DNAJB11: variants seen among roughly 807,000 people sequenced by gnomAD.
The protein encoded by DNAJB11 is DnaJ heat shock protein family (Hsp40) member B11, also known as dnaJ homolog subfamily B member 11.
Under a neutral mutation model 47.2 loss-of-function variants are expected in DNAJB11, and 30 were observed. The ratio of observed to expected loss-of-function variants is 0.64; its 90% CI spans 0.48 to 0.86. The LOEUF (loss-of-function observed/expected upper bound fraction) is 0.86, where lower values mean the gene tolerates loss of function less well. Ranked by LOEUF, DNAJB11 falls within the 40% of genes least tolerant of loss-of-function variation. DNAJB11 has a pLI of 0.00. For synonymous variants in DNAJB11, 151 were observed against 159.9 expected, an observed-to-expected ratio of 0.94 and a Z score of 0.42; for missense variants, 357 against 440.2, an observed-to-expected ratio of 0.81 and a Z score of 1.69.
In DNAJB11 at chr3:186,584,489, A is replaced by G; in HGVS notation, c.912A>G (p.Glu304=). ...GAGCGAAGCTATGGAAGAAAGGGGA[A>G]GGGCTCCCCAACTTTGACAACAACA... ...RPGAKLWKKG[E]GLPNFDNNNI... The change falls in exon 9 of 10, where the codon GAA becomes GAG. Residue 304 remains glutamate (E), a synonymous_variant. Coordinates refer to ENST00000265028, the MANE Select transcript of DNAJB11 (RefSeq NM_016306.6). The G allele has an allele frequency of 3.1e-6, 5 of 1,600,302 alleles. No homozygotes were observed. The highest frequency in any genetic ancestry group is 4.3e-6 in the Non-Finnish European group (5 of 1,175,722).
At chr3:186,577,838 A>G (rs1715353067) in intron 4 of DNAJB11, 38 bp downstream of exon 4, 3 of 1,528,208 alleles carry the variant, frequency 2.0e-6, no homozygotes, top group Non-Finnish European at 2.6e-6. Flanking sequence ...ATTGACTCCC[A>G]GAACTTGCAC....
At chr3:186,582,488 A>T (rs1715518787) in intron 6 of DNAJB11, among the ~76,000 whole-genome samples, 1 of 152,240 alleles carries the variant, frequency 6.6e-6, no homozygotes, top group Non-Finnish European at 1.5e-5. Flanking sequence ...AGACCAGTGT[A>T]TCATTCTTTG....
In DNAJB11 at chr3:186,578,677, C is replaced by T. The variant is rs764360135; in HGVS notation, c.456+877C>T. On this transcript the variant is annotated intron_variant, in intron 4 of 9. Coordinates refer to ENST00000265028, the MANE Select transcript of DNAJB11 (RefSeq NM_016306.6). ...TTTATTGGCCATATTTGTTTCCTCT[C>T]TTGTGAAATGCCTGTTCTTTCTTTT... 5 of 152,292 alleles carry T rather than the reference C, an allele frequency of 3.3e-5. 1 individual carries two copies. The highest frequency in any genetic ancestry group is 7.4e-5 in the Non-Finnish European group (5 of 68,018). The allele number at this position is 152,292 out of a possible 1,614,324, so 9.4% of individuals were successfully genotyped here.
Position 186,572,194 on chromosome 3 carries a change from GA to G in DNAJB11, c.170del (p.Asn57ThrfsTer38). The G allele has an allele frequency of 6.2e-7, 1 of 1,613,946 alleles. No homozygotes were observed. Among genetic ancestry groups the G allele is most frequent in the South Asian group, 1.1e-5 (1 of 91,054 alleles). Reference sequence around the variant, plus strand: ...TAGCCCTGCAGCTTCATCCCGACCGGAACCCTGATGATCCACAAGCCCAGGA... The same window carrying G: ...TAGCCCTGCAGCTTCATCCCGACCGGACCCTGATGATCCACAAGCCCAGGA... Reference protein sequence around the residue: ...KLALQLHPDRNPDDPQAQEKF... With the variant: ...KLALQLHPDRXPDDPQAQEKF... On this transcript the variant is annotated frameshift_variant, in exon 2 of 10. Transcript: ENST00000265028. LOFTEE classifies it high-confidence loss of function.
chr3:186,581,653 T>C, intron 5 of DNAJB11, 140 bp downstream of exon 5: 3 of 1,004,750 alleles, frequency 3.0e-6, no homozygotes, highest in Non-Finnish European at 4.2e-6. Flanking sequence ...AGCAAAACAA[T>C]GTACATTTTT....
At chr3:186,580,495 G>A (rs943001774) in intron 4 of DNAJB11, 1 of 152,076 alleles carries the variant, frequency 6.6e-6, no homozygotes, top group African/African-American at 2.4e-5. Context: ...TGTAAAATGG[G>A]GATAATAACA....
rs761576121 is a variant in DNAJB11, at chr3:186,584,574, G to A, written c.997G>A (p.Glu333Lys). Residue 333 changes from glutamate (E) to lysine (K), a missense_variant, in exon 9 of 10, where the codon GAG becomes AAG. Physicochemically the swap from Glu to Lys is moderately conservative, Grantham distance 56 (BLOSUM62 1). Coordinates refer to ENST00000265028, the MANE Select transcript of DNAJB11 (RefSeq NM_016306.6). ...DVDFPKEQLT[E>K]EAREGIKQLL... ...GGATTTTCCAAAAGAACAGTTAACAGAGGAAGCGAGAGAAGGTATGGCATA... is the reference window on the plus strand; with the variant it reads ...GGATTTTCCAAAAGAACAGTTAACAAAGGAAGCGAGAGAAGGTATGGCATA... The A allele has an allele frequency of 2.5e-6, 4 of 1,579,460 alleles. No individual in the cohort carries two copies. In the African/African-American group the frequency reaches 5.9e-5, roughly 23 times the overall value.
chr3:186,582,906 C>A, intron 7 of DNAJB11, 133 bp downstream of exon 7: 2 of 688,468 alleles, frequency 2.9e-6, no homozygotes, highest in Non-Finnish European at 5.1e-6. Context: ...AACTCCTCTA[C>A]AAGGCTGAAA....
chr3:186,584,734 C>T, intron 9 of DNAJB11, 145 bp downstream of exon 9: 1 of 881,130 alleles, frequency 1.1e-6, no homozygotes, highest in Non-Finnish European at 1.6e-6. Context: ...AAGGAATGAA[C>T]TCATCTTTCT....
Position 186,572,144 on chromosome 3 carries a change from G to C in DNAJB11, c.118G>C (p.Asp40His), listed in dbSNP as rs766317863. The change falls in exon 2 of 10, where the codon GAT (aspartate) becomes CAT (histidine). Residue 40 changes from aspartate to histidine, a missense_variant. Physicochemically the swap from Asp to His is moderately conservative, Grantham distance 81 (BLOSUM62 -1). Coordinates refer to ENST00000265028, the MANE Select transcript of DNAJB11 (RefSeq NM_016306.6). ...GGTGCCTCGAAGTGCCTCTATAAAGGATATTAAAAAGGCCTATAGGAAACT... is the reference window on the plus strand; with the variant it reads ...GGTGCCTCGAAGTGCCTCTATAAAGCATATTAAAAAGGCCTATAGGAAACT... ...LGVPRSASIK[D>H]IKKAYRKLAL... The C allele has an allele frequency of 6.2e-7, 1 of 1,612,198 alleles. No homozygotes were observed. The highest frequency in any genetic ancestry group is 2.2e-5 in the East Asian group (1 of 44,834).
In DNAJB11 at chr3:186,570,905, C is replaced by T. The variant is rs753543507; in HGVS notation, c.8C>T (p.Pro3Leu). 1 of 1,605,000 alleles carries T rather than the reference C, an allele frequency of 6.2e-7. No individual in the cohort carries two copies. The highest frequency in any genetic ancestry group is 1.3e-5 in the African/African-American group (1 of 74,578). The change falls in exon 1 of 10, where the codon CCG (proline) becomes CTG (leucine). Residue 3 changes from proline (P) to leucine (L), a missense_variant. Pro to Leu is a moderately conservative substitution (Grantham distance 98, BLOSUM62 -3). Coordinates refer to ENST00000265028, the MANE Select transcript of DNAJB11 (RefSeq NM_016306.6). ...ACCCGGGACAGAGGAACCATGGCTC[C>T]GCAGAACCTGAGCACCTTTTGCCTG... MAPQNLSTFCLLL... is the reference protein window; with the variant it reads MALQNLSTFCLLL...
At chr3:186,584,049 G>A in intron 8 of DNAJB11, 73 bp downstream of exon 8, 1 of 1,100,358 alleles carries the variant, frequency 9.1e-7, no homozygotes, top group Non-Finnish European at 1.4e-6. Context: ...TGTATCAGCT[G>A]TTTCAGTCAT....
At chr3:186,584,004 A>C in intron 8 of DNAJB11, 28 bp downstream of exon 8, 1 of 1,515,420 alleles carries the variant, frequency 6.6e-7, no homozygotes, top group Non-Finnish European at 9.2e-7. Flanking sequence ...CTCGTTCTGC[A>C]TCCTTTTGAA....
intron 4 of DNAJB11, chr3:186,579,203 T>G (rs935030546): frequency 5.9e-5 from 9 of 152,172 alleles, no homozygotes; most frequent in African/African-American, 1.7e-4. Context: ...CTGGAAAATA[T>G]GTCTCATTAT....
chr3:186,577,868 G>A, intron 4 of DNAJB11, 68 bp downstream of exon 4: 2 of 1,350,542 alleles, frequency 1.5e-6, no homozygotes, highest in Non-Finnish European at 2.0e-6. Context: ...AAAATAAGAG[G>A]TTTATATGTA....
chr3:186,584,728 A>C (rs1171919183), intron 9 of DNAJB11, 139 bp downstream of exon 9: 1 of 916,640 alleles, frequency 1.1e-6, no homozygotes, highest in African/African-American at 1.8e-5. Context: ...AACACTAAGG[A>C]ATGAACTCAT....
intron 3 of DNAJB11, 127 bp downstream of exon 3, chr3:186,576,064 C>T (rs1715283249): frequency 1.6e-6 from 1 of 624,884 alleles, no homozygotes; most frequent in African/African-American, 1.8e-5. Context: ...ATCCAAAGAT[C>T]AATTATTGTC....
At position 186,573,407 on chromosome 3, in the gene DNAJB11, CAG is replaced by C. The variant is rs575088264; in HGVS notation, c.225+1159_225+1160del. On this transcript the variant is annotated intron_variant, in intron 2 of 9. Coordinates refer to ENST00000265028, the MANE Select transcript of DNAJB11 (RefSeq NM_016306.6). ...AATTCTTTTTTATTTTTTTTTGAGA[CAG>C]AGTCTCGCTCTGTCTGCCAAGCTGG... is the stretch of plus-strand genomic sequence containing the variant. Among the ~76,000 whole-genome samples, 897 of 151,948 alleles carry C rather than the reference CAG, an allele frequency of 5.9e-3. 7 individuals are homozygous for C. The highest frequency in any genetic ancestry group is 0.02 in the African/African-American group (822 of 41,454).
chr3:186,574,927 A>G (rs1171145297), intron 2 of DNAJB11, among the ~76,000 whole-genome samples: 1 of 152,240 alleles, frequency 6.6e-6, no homozygotes, highest in African/African-American at 2.4e-5. Context: ...AATTTTCACA[A>G]GTATATATGT....
Sources: gnomAD v4.1 joint callset for allele counts (sites outside exome capture counted in the v4.1 genomes callset) on GRCh38, gnomAD v4.1.1 for gene constraint, MANE v1.5 for transcripts, NCBI Gene and HGNC (gene_info 2026-07-23, HGNC 2026-07-21) for gene names.